SEMA5A: variants seen among roughly 807,000 people sequenced by gnomAD.
SEMA5A encodes the protein semaphorin 5A, also known as semaphorin-5A.
In SEMA5A, 55 loss-of-function variants were observed where a neutral mutation model predicts 135.5. The observed-to-expected ratio is 0.41, with a 90% CI of 0.33 to 0.51. The LOEUF is 0.51. Among genes scored for constraint, SEMA5A ranks in the 20% least tolerant of loss-of-function variants. SEMA5A has a pLI of 0.37. For missense variants in SEMA5A, 1,290 were observed against 1,419.9 expected (o/e 0.91, Z 1.47); for synonymous variants, 580 against 546.5 (o/e 1.06, Z -0.85).
At chr5:9,048,529 AT>A in intron 21 of SEMA5A, among the ~76,000 whole-genome samples, 1 of 151,986 alleles carries the variant, frequency 6.6e-6, no homozygotes, top group Middle Eastern at 3.4e-3. Context: ...TTTTTTCAAC[AT>A]CTCACAGCAG....
chr5:9,434,054 T>C (rs1757946931), intron 2 of SEMA5A, among the ~76,000 whole-genome samples: 1 of 152,162 alleles, frequency 6.6e-6, no homozygotes, highest in Admixed American at 6.5e-5. Flanking sequence ...GTGTATGAAG[T>C]CTCCCATCAC....
chr5:9,397,058 A>C (rs1756437911), intron 2 of SEMA5A, among the ~76,000 whole-genome samples: 2 of 152,186 alleles, frequency 1.3e-5, no homozygotes, highest in Non-Finnish European at 2.9e-5. Context: ...GACAAAAAAA[A>C]AAAATAGGAC....
intron 5 of SEMA5A, among the ~76,000 whole-genome samples, chr5:9,283,152 T>G (rs1750627192): frequency 1.3e-5 from 2 of 152,218 alleles, no homozygotes; most frequent in African/African-American, 4.8e-5. Context: ...TTCCTTTTGC[T>G]GTCTAATAAA....
chr5:9,282,583 A>G (rs1167860050), intron 5 of SEMA5A, among the ~76,000 whole-genome samples: 1 of 152,182 alleles, frequency 6.6e-6, no homozygotes, highest in African/African-American at 2.4e-5. Context: ...CTAAATCCTA[A>G]ATACTTTTTC....
At chr5:9,074,895 AT>A (rs1561127035) in intron 16 of SEMA5A, among the ~76,000 whole-genome samples, 1 of 152,196 alleles carries the variant, frequency 6.6e-6, no homozygotes, top group Non-Finnish European at 1.5e-5. Flanking sequence ...GCCACCCCAA[AT>A]AAACACCTGG....
chr5:9,149,128 C>G (rs1272558379), intron 12 of SEMA5A, among the ~76,000 whole-genome samples: 1 of 152,194 alleles, frequency 6.6e-6, no homozygotes, highest in East Asian at 1.9e-4. Context: ...AAAAGCGGAT[C>G]ACACTTTTTT....
chr5:9,154,834 A>T, intron 11 of SEMA5A, 139 bp from the exon 12 acceptor site: 1 of 710,708 alleles, frequency 1.4e-6, no homozygotes, highest in Non-Finnish European at 2.4e-6. Context: ...AAAACAGTAC[A>T]CCTGGACACC....
intron 8 of SEMA5A, among the ~76,000 whole-genome samples, chr5:9,221,188 A>G (rs1746931790): frequency 6.6e-6 from 1 of 152,028 alleles, no homozygotes; most frequent in Non-Finnish European, 1.5e-5. Context: ...TAAAATCACC[A>G]TGTGAAAGGG....
At chr5:9,389,570 A>G (rs1408068292) in intron 2 of SEMA5A, among the ~76,000 whole-genome samples, 1 of 151,984 alleles carries the variant, frequency 6.6e-6, no homozygotes, top group Non-Finnish European at 1.5e-5. Context: ...CCTCCATCTT[A>G]CCAAAACTCA....
chr5:9,210,381 G>A (rs1410825597), intron 8 of SEMA5A, among the ~76,000 whole-genome samples: 1 of 152,100 alleles, frequency 6.6e-6, no homozygotes, highest in Non-Finnish European at 1.5e-5. Context: ...CCACACTTTT[G>A]TACCCATAAA....
intron 3 of SEMA5A, among the ~76,000 whole-genome samples, chr5:9,345,743 T>C (rs1753836047): frequency 2.6e-5 from 4 of 152,170 alleles, no homozygotes; most frequent in Admixed American, 1.3e-4. Flanking sequence ...TGAAGTAGAT[T>C]AAGCTTTCCA....
intron 2 of SEMA5A, among the ~76,000 whole-genome samples, chr5:9,397,050 CA>C (rs11345966): frequency 0.34 from 46,559 of 138,568 alleles, 7,802 homozygotes; most frequent in East Asian, 0.48. Context: ...ACAAGGAAGA[CA>C]AAAAAAAAAA....
intron 1 of SEMA5A, among the ~76,000 whole-genome samples, chr5:9,500,533 T>A (rs1735539730): frequency 6.6e-6 from 1 of 152,106 alleles, no homozygotes; most frequent in Admixed American, 6.6e-5. Flanking sequence ...TCCCACTCCA[T>A]CCTCAGGGAA....
At chr5:9,133,311 T>C (rs1204414466) in intron 13 of SEMA5A, among the ~76,000 whole-genome samples, 5 of 152,232 alleles carry the variant, frequency 3.3e-5, no homozygotes, top group Admixed American at 3.3e-4. Flanking sequence ...AGTTAGATAA[T>C]ATGAATTTCT....
At chr5:9,493,538 A>C (rs931080322) in intron 1 of SEMA5A, among the ~76,000 whole-genome samples, 14 of 152,132 alleles carry the variant, frequency 9.2e-5, no homozygotes, top group African/African-American at 2.2e-4. Context: ...TGTTTATAAA[A>C]CAGAATTGAA....
At chr5:9,401,740 C>T (rs1485483802) in intron 2 of SEMA5A, among the ~76,000 whole-genome samples, 1 of 152,166 alleles carries the variant, frequency 6.6e-6, no homozygotes, top group Admixed American at 6.5e-5. Flanking sequence ...TGTTTTTGTC[C>T]TATAGGAGTT....
chr5:9,414,408 A>G (rs1757213139), intron 2 of SEMA5A, among the ~76,000 whole-genome samples: 1 of 152,342 alleles, frequency 6.6e-6, no homozygotes. Flanking sequence ...AAATAAAAAG[A>G]TGTCCATTTG....
At chr5:9,500,575 A>C (rs1162520516) in intron 1 of SEMA5A, among the ~76,000 whole-genome samples, 1 of 152,174 alleles carries the variant, frequency 6.6e-6, no homozygotes, top group Non-Finnish European at 1.5e-5. Flanking sequence ...GATGTCACAC[A>C]ATGGCCCACA....
intron 5 of SEMA5A, among the ~76,000 whole-genome samples, chr5:9,297,075 A>G (rs940083912): frequency 6.6e-5 from 10 of 152,068 alleles, no homozygotes; most frequent in Non-Finnish European, 1.2e-4. Context: ...GAGAAAATAC[A>G]TGAAAACAGT....
Sources: gnomAD v4.1 joint callset for allele counts (sites outside exome capture counted in the v4.1 genomes callset) on GRCh38, gnomAD v4.1.1 for gene constraint, MANE v1.5 for transcripts, NCBI Gene and HGNC (gene_info 2026-07-23, HGNC 2026-07-21) for gene names.